Variants in PLA2G4D observed in about 807,000 individuals in gnomAD.
PLA2G4D encodes cytosolic phospholipase A2 delta.
Under a neutral mutation model 94.4 loss-of-function variants are expected in PLA2G4D, and 80 were observed. That is an observed-to-expected ratio of 0.85 (90% CI 0.71 to 1.02). The LOEUF (loss-of-function observed/expected upper bound fraction) is 1.02, where lower values mean the gene tolerates loss of function less well. PLA2G4D is among the 50% of genes least tolerant of loss of function. The probability of loss-of-function intolerance (pLI) is 0.00; values close to 1 mark genes in which losing one functional copy is unlikely to be tolerated. For missense variants in PLA2G4D, 1,050 were observed against 1,034.7 expected, an observed-to-expected ratio of 1.01 and a Z score of -0.20; for synonymous variants, 438 against 440.9, an observed-to-expected ratio of 0.99 and a Z score of 0.08.
chr15:42,086,194 T>TGGGGGGGGCGC lies in PLA2G4D; in HGVS notation c.387+18_387+19insGCGCCCCCCCC. The TGGGGGGGGCGC allele has an allele frequency of 5.1e-6, 7 of 1,370,436 alleles. No individual in the cohort carries two copies. Among genetic ancestry groups the TGGGGGGGGCGC allele is most frequent in the Non-Finnish European group, 5.8e-6 (6 of 1,043,076 alleles). 84.9% of individuals were successfully genotyped at this position (1,370,436 alleles called of 1,614,324 possible). A position where few individuals can be genotyped will look rare whatever the true frequency, so the allele number is the denominator to read the frequency against. On this transcript the variant is annotated intron_variant, in intron 4 of 19. Coordinates refer to ENST00000290472, the MANE Select transcript of PLA2G4D (RefSeq NM_178034.4). ...GGAAGAAGTGGGGCCCACGGGGACT[T>TGGGGGGGGCGC]CCCCACCCACCCACCCACCTGGGGA...
chr15:42,073,172 C>T (rs1712399), intron 13 of PLA2G4D, among the ~76,000 whole-genome samples: 45,485 of 151,844 alleles, frequency 0.3, 6,990 homozygotes, highest in South Asian at 0.39. Flanking sequence ...CTAATTTTTG[C>T]ATGTTTTGTA....
chr15:42,072,247 T>G, intron 14 of PLA2G4D, 28 bp downstream of exon 14: 1 of 1,567,132 alleles, frequency 6.4e-7, no homozygotes. Flanking sequence ...GGGTGGAGTA[T>G]GTGGGAGGGG....
At chr15:42,085,652 A>G in intron 4 of PLA2G4D, 121 bp from the exon 5 acceptor site, 2 of 925,026 alleles carry the variant, frequency 2.2e-6, no homozygotes, top group Non-Finnish European at 3.4e-6. Flanking sequence ...ACGTTAGTAC[A>G]ATTATTTCCA....
At position 42,071,871 on chromosome 15, in the gene PLA2G4D, C is replaced by T. The variant is rs1422893825; in HGVS notation, c.1476G>A (p.Lys492=). 3 of 1,614,060 alleles carry T rather than the reference C, an allele frequency of 1.9e-6. No homozygotes were observed. The highest frequency in any genetic ancestry group is 2.5e-6 in the Non-Finnish European group (3 of 1,180,012). The change falls in exon 15 of 20, where the codon AAG becomes AAA. Residue 492 remains lysine (K), a synonymous_variant. Transcript: ENST00000290472. ...EFSPYEVGFL[K]YGAFVPPELF... ...GCTCAGGAGGGACGAAGGCCCCGTA[C>T]TTCAGGAAACCGACCTCATAGGGGG...
Position 42,079,536 on chromosome 15 carries a change from C to A in PLA2G4D, c.1317+1G>T. 6.3e-7 allele frequency: 1 copy of A among 1,596,726 alleles called. No homozygotes were observed. The highest frequency in any genetic ancestry group is 8.5e-7 in the Non-Finnish European group (1 of 1,175,380). On this transcript the variant is annotated splice_donor_variant, in intron 13 of 19. Transcript: ENST00000290472. LOFTEE classifies it high-confidence loss of function. Reference sequence around the variant, plus strand: ...CTCCCCCACGTGCGCAGGCGCCCTACCTGGCCGTGCAGCATGGACTCCAGC... The same window carrying A: ...CTCCCCCACGTGCGCAGGCGCCCTAACTGGCCGTGCAGCATGGACTCCAGC...
Position 42,087,715 on chromosome 15 carries a change from A to G in PLA2G4D, c.46-15T>C. On this transcript the variant is annotated splice_polypyrimidine_tract_variant and intron_variant, in intron 1 of 19. Coordinates refer to ENST00000290472, the MANE Select transcript of PLA2G4D (RefSeq NM_178034.4). ...GAGGCCTCCCCCTGAAGAGAAAATC[A>G]AACTCCAGAGTCCTTCCTGCATTCC... is the stretch of plus-strand genomic sequence containing the variant. The G allele has an allele frequency of 6.2e-7, 1 of 1,613,508 alleles. No individual in the cohort carries two copies. Among genetic ancestry groups the G allele is most frequent in the Non-Finnish European group, 8.5e-7 (1 of 1,179,578 alleles).
Position 42,082,396 on chromosome 15 carries a change from G to A in PLA2G4D, c.673-7C>T, listed in dbSNP as rs1214880624. 6.2e-7 allele frequency: 1 copy of A among 1,604,124 alleles called. No individual in the cohort carries two copies. The highest frequency in any genetic ancestry group is 8.5e-7 in the Non-Finnish European group (1 of 1,171,438). ...AGCCATTGCTTCTGGAGCTCTGAAG[G>A]GAAAGCATCATTCATTCATTCATTC... On this transcript the variant is annotated splice_region_variant and splice_polypyrimidine_tract_variant and intron_variant, in intron 8 of 19. Coordinates refer to ENST00000290472, the MANE Select transcript of PLA2G4D (RefSeq NM_178034.4).
Position 42,071,800 on chromosome 15 carries a change from G to A in PLA2G4D, c.1547C>T (p.Pro516Leu), listed in dbSNP as rs111407404. 3.8e-4 allele frequency: 619 copies of A among 1,614,130 alleles called. 2 individuals carry two copies. The highest frequency in any genetic ancestry group is 3.0e-3 in the African/African-American group (228 of 75,010). Residue 516 changes from proline (P) to leucine (L), a missense_variant, in exon 15 of 20, where the codon CCG (proline) becomes CTG (leucine). Physicochemically the swap from Pro to Leu is moderately conservative, Grantham distance 98. Coordinates refer to ENST00000290472, the MANE Select transcript of PLA2G4D (RefSeq NM_178034.4). Reference protein sequence around the residue: ...FFMGRLMRRIPEPRICFLEAI... With the variant: ...FFMGRLMRRILEPRICFLEAI... The stretch of plus-strand genomic sequence containing the variant: ...TTCCAGAAAGCAGATCCGGGGCTCC[G>A]GGATCCTCCTCATCAGCCGTCCCAT...
chr15:42,070,685 G>A, intron 18 of PLA2G4D, 32 bp downstream of exon 18: 1 of 1,545,204 alleles, frequency 6.5e-7, no homozygotes, highest in Non-Finnish European at 8.8e-7. Flanking sequence ...GCCTGGCTGG[G>A]CAGAGGGGTT....
chr15:42,070,214 G>A, intron 18 of PLA2G4D, 119 bp from the exon 19 acceptor site: 2 of 1,057,936 alleles, frequency 1.9e-6, no homozygotes, highest in Non-Finnish European at 2.6e-6. Context: ...TCCTGTTTGT[G>A]GTCGGGCCAA....
intron 14 of PLA2G4D, 67 bp from the exon 15 acceptor site, chr15:42,071,978 G>A (rs942914580): frequency 8.3e-6 from 13 of 1,558,180 alleles, no homozygotes; most frequent in East Asian, 2.3e-5. Context: ...CAGCTCTGGC[G>A]AAAGACACTG....
Position 42,073,128 on chromosome 15 carries a change from G to A in PLA2G4D, c.1318-736C>T, listed in dbSNP as rs558239574. Among the ~76,000 whole-genome samples the A allele has an allele frequency of 7.2e-5, 11 of 152,258 alleles. No individual in the cohort carries two copies. The East Asian group carries it at 7.7e-4, about 11-fold the overall frequency. On this transcript the variant is annotated intron_variant, in intron 13 of 19. Coordinates refer to ENST00000290472, the MANE Select transcript of PLA2G4D (RefSeq NM_178034.4). ...AGTGATCCTCCCACCTCAGCCTCCC[G>A]AGTAGAGTAGCTGGGACTACAAGTT...
chr15:42,077,482 G>A (rs1420605469), intron 13 of PLA2G4D, among the ~76,000 whole-genome samples: 2 of 152,212 alleles, frequency 1.3e-5, no homozygotes, highest in Non-Finnish European at 2.9e-5. Context: ...GTTGGGATCA[G>A]TGCCCTGGTT....
At chr15:42,077,265 A>G (rs1001228240) in intron 13 of PLA2G4D, among the ~76,000 whole-genome samples, 2 of 152,238 alleles carry the variant, frequency 1.3e-5, no homozygotes, top group African/African-American at 4.8e-5. Flanking sequence ...AAAGCCAGAT[A>G]AGGACACAAA....
intron 13 of PLA2G4D, among the ~76,000 whole-genome samples, chr15:42,075,812 A>G (rs1053667942): frequency 6.6e-6 from 1 of 150,736 alleles, no homozygotes; most frequent in Admixed American, 6.6e-5. Flanking sequence ...ACTTGAACCC[A>G]GGAGGCAGAG....
rs528407828 is a variant in PLA2G4D at position 42,087,558 on chromosome 15, C to T, written c.118+70G>A. On this transcript the variant is annotated intron_variant, in intron 2 of 19. Transcript: ENST00000290472. ...GGTGACCCAGCCCAGCCCCAGGGCA[C>T]TCGTCTTGGCCCTTCCTATGGGATC... 948 of 1,606,176 alleles carry T rather than the reference C, an allele frequency of 5.9e-4. 10 individuals are homozygous for T. In the African/African-American group the frequency reaches 0.011, roughly 18 times the overall value.
chr15:42,071,882 C>T lies in PLA2G4D; in HGVS notation c.1465G>A (p.Gly489Ser), dbSNP rs72489212. Residue 489 changes from glycine (G) to serine (S), a missense_variant, in exon 15 of 20, where the codon GGT becomes AGT. Transcript: ENST00000290472. ...ACGAAGGCCCCGTACTTCAGGAAAC[C>T]GACCTCATAGGGGGAGAACTCAACC... ...EWVEFSPYEV[G>S]FLKYGAFVPP... 10 of 1,614,036 alleles carry T rather than the reference C, an allele frequency of 6.2e-6. No individual in the cohort carries two copies. Among genetic ancestry groups the T allele is most frequent in the Admixed American group, 5.0e-5 (3 of 60,008 alleles).
intron 13 of PLA2G4D, among the ~76,000 whole-genome samples, chr15:42,078,075 A>G (rs1889963578): frequency 6.6e-6 from 1 of 152,266 alleles, no homozygotes. Flanking sequence ...AAATGGGTAT[A>G]AATGTGACTG....
rs1026970029 is a variant in PLA2G4D at position 42,070,124 on chromosome 15, A to T, written c.2044-29T>A. 7 of 1,470,236 alleles carry T rather than the reference A, an allele frequency of 4.8e-6. No homozygotes were observed. The Admixed American group carries it at 1.4e-4, about 29-fold the overall frequency. The allele number at this position is 1,470,236 out of a possible 1,614,324, so 91.1% of individuals were successfully genotyped here. On this transcript the variant is annotated intron_variant, in intron 18 of 19. Coordinates refer to ENST00000290472, the MANE Select transcript of PLA2G4D (RefSeq NM_178034.4). ...GTGGGGAGAAGGTGGCCCGGAGAGA[A>T]CCAGCCCGGCCCAGGTCAATGCTGG...
Sources: allele counts gnomAD v4.1 joint callset (sites outside exome capture counted in the v4.1 genomes callset), GRCh38; gene constraint gnomAD v4.1.1; transcripts MANE v1.5; gene names NCBI Gene and HGNC (gene_info 2026-07-23, HGNC 2026-07-21).